Variants in DCUN1D1 observed in about 807,000 individuals in gnomAD.
The protein encoded by DCUN1D1 is defective in cullin neddylation 1 domain containing 1, also known as DCN1-like protein 1.
A neutral mutation model predicts 39.0 loss-of-function variants in DCUN1D1; 3 were observed. The ratio of observed to expected loss-of-function variants is 0.08; its 90% CI spans 0.04 to 0.20. DCUN1D1 has a LOEUF of 0.20. DCUN1D1 is among the 10% of genes least tolerant of loss of function. The pLI is 1.00. For missense variants in DCUN1D1, 158 were observed against 302.4 expected (o/e 0.52, Z 3.54); for synonymous variants, 82 against 96.3 (o/e 0.85, Z 0.87).
At chr3:182,952,443 C>T (rs181396504) in intron 4 of DCUN1D1, among the ~76,000 whole-genome samples, 97 of 152,288 alleles carry the variant, frequency 6.4e-4, no homozygotes, top group African/African-American at 2.3e-3. Context: ...AAACCTATCT[C>T]TATATTCTAG....
intron 4 of DCUN1D1, among the ~76,000 whole-genome samples, chr3:182,954,545 CT>C (rs1174289522): frequency 6.6e-6 from 1 of 152,050 alleles, no homozygotes; most frequent in Non-Finnish European, 1.5e-5. Flanking sequence ...AATGCATGAA[CT>C]TTTCTTTATA....
At chr3:182,951,990 A>G (rs946327927) in intron 4 of DCUN1D1, among the ~76,000 whole-genome samples, 3 of 152,024 alleles carry the variant, frequency 2.0e-5, no homozygotes, top group Non-Finnish European at 4.4e-5. Flanking sequence ...GCCACCACGC[A>G]CGTCCAAAAG....
intron 2 of DCUN1D1, among the ~76,000 whole-genome samples, 192 bp downstream of exon 2, chr3:182,965,345 G>A (rs1727617275): frequency 6.6e-6 from 1 of 152,124 alleles, no homozygotes; most frequent in African/African-American, 2.4e-5. Context: ...GGAAAATAAA[G>A]AGGCCAAGAA....
At chr3:182,949,251 T>C (rs1023669917) in intron 4 of DCUN1D1, among the ~76,000 whole-genome samples, 27 of 151,916 alleles carry the variant, frequency 1.8e-4, no homozygotes, top group Admixed American at 6.6e-5. Context: ...TAATCCCAAC[T>C]ACTTGGGAGG....
At chr3:182,954,435 T>A (rs1400832600) in intron 4 of DCUN1D1, among the ~76,000 whole-genome samples, 4 of 152,184 alleles carry the variant, frequency 2.6e-5, no homozygotes, top group Non-Finnish European at 4.4e-5. Context: ...TTATCAAAAT[T>A]CAGAATAATT....
chr3:182,973,807 C>CAA (rs56747322), intron 1 of DCUN1D1, among the ~76,000 whole-genome samples: 13 of 88,588 alleles, frequency 1.5e-4, no homozygotes, highest in African/African-American at 3.8e-4. Flanking sequence ...AACTCCGGCT[C>CAA]AAAAAAAAAA....
intron 4 of DCUN1D1, among the ~76,000 whole-genome samples, chr3:182,954,213 T>G (rs542959027): frequency 3.9e-5 from 6 of 152,328 alleles, no homozygotes; most frequent in South Asian, 4.1e-4. Context: ...ATCCATCTAC[T>G]GAGATATAAA....
At chr3:182,957,100 T>C (rs1471902059) in intron 4 of DCUN1D1, among the ~76,000 whole-genome samples, 1 of 152,122 alleles carries the variant, frequency 6.6e-6, no homozygotes, top group African/African-American at 2.4e-5. Flanking sequence ...GTAAGAGCAA[T>C]GATAGAAGTA....
intron 1 of DCUN1D1, among the ~76,000 whole-genome samples, chr3:182,970,908 A>G (rs1727903182): frequency 6.6e-6 from 1 of 152,204 alleles, no homozygotes; most frequent in Non-Finnish European, 1.5e-5. Context: ...TGCAGGAAAA[A>G]TCAATTCAGC....
intron 1 of DCUN1D1, among the ~76,000 whole-genome samples, chr3:182,977,915 C>T (rs1468479083): frequency 2.0e-5 from 3 of 151,728 alleles, no homozygotes; most frequent in Non-Finnish European, 2.9e-5. Context: ...TGGCGGGCAC[C>T]TATAATCCCA....
At position 182,946,553 on chromosome 3, in the gene DCUN1D1, T is replaced by C. The variant is rs1413816193; in HGVS notation, c.700+685A>G. On this transcript the variant is annotated intron_variant, in intron 6 of 6. Coordinates refer to ENST00000292782, the MANE Select transcript of DCUN1D1 (RefSeq NM_020640.4). ...GCCTGGGTGACAGAGCAAGACTCCA[T>C]CTCAAAAAAAAAAAAAAAAAAAAAA... is the stretch of plus-strand genomic sequence containing the variant. 8.0e-5 allele frequency among the ~76,000 whole-genome samples: 5 copies of C among 62,760 alleles called. No homozygotes were observed. In the East Asian group the frequency reaches 2.0e-3, roughly 25 times the overall value. 41.2% of individuals were successfully genotyped at this position (62,760 alleles called of 152,430 possible). A position where few individuals can be genotyped will look rare whatever the true frequency, so the allele number is the denominator to read the frequency against.
intron 4 of DCUN1D1, among the ~76,000 whole-genome samples, chr3:182,953,173 G>A (rs557777392): frequency 4.6e-5 from 7 of 152,134 alleles, no homozygotes; most frequent in Admixed American, 2.0e-4. Flanking sequence ...TACCCTTTTT[G>A]AAGGTACTGC....
At chr3:182,972,755 A>G (rs1453218399) in intron 1 of DCUN1D1, among the ~76,000 whole-genome samples, 2 of 152,034 alleles carry the variant, frequency 1.3e-5, no homozygotes, top group African/African-American at 4.8e-5. Context: ...CAACAAAAAA[A>G]AGAGGCTGGG....
intron 2 of DCUN1D1, among the ~76,000 whole-genome samples, 166 bp from the exon 3 acceptor site, chr3:182,964,215 CCTTA>C (rs1428527956): frequency 2.0e-5 from 3 of 152,172 alleles, no homozygotes; most frequent in East Asian, 1.9e-4. Context: ...AAGCCATTCT[CCTTA>C]CTAACAGCAT....
intron 4 of DCUN1D1, among the ~76,000 whole-genome samples, chr3:182,959,543 T>G (rs932900347): frequency 5.6e-5 from 8 of 141,778 alleles, no homozygotes; most frequent in African/African-American, 2.0e-4. Flanking sequence ...TTACCTTCAC[T>G]GGGTAAGTTA....
At chr3:182,959,501 C>CAAAAAAAAAAAAAAAAAAAAA (rs11373344) in intron 4 of DCUN1D1, among the ~76,000 whole-genome samples, 1 of 81,170 alleles carries the variant, frequency 1.2e-5, no homozygotes. Flanking sequence ...CTTCAAAAAC[C>CAAAAAAAAAAAAAAAAAAAAA]AAAAAAAAAA....
rs1318398997 is a variant in DCUN1D1, at chr3:182,942,257, A to C, written c.*2837T>G. 1.3e-5 allele frequency: 2 copies of C among 152,112 alleles called. No homozygotes were observed. Among genetic ancestry groups the C allele is most frequent in the African/African-American group, 4.8e-5 (2 of 41,434 alleles). The allele number at this position is 152,112 out of a possible 1,614,324, so 9.4% of individuals were successfully genotyped here. A position where few individuals can be genotyped will look rare whatever the true frequency, so the allele number is the denominator to read the frequency against. ...ACTTGGCATGTCTTTTCTCCCCAAA[A>C]CATGCCATTACAATGCTCTTTCCAT... On this transcript the variant is annotated 3_prime_UTR_variant, in exon 7 of 7. Coordinates refer to ENST00000292782, the MANE Select transcript of DCUN1D1 (RefSeq NM_020640.4).
At chr3:182,957,620 T>C (rs1053472659) in intron 4 of DCUN1D1, among the ~76,000 whole-genome samples, 1 of 151,996 alleles carries the variant, frequency 6.6e-6, no homozygotes, top group African/African-American at 2.4e-5. Context: ...AGCCAGATCC[T>C]GTATCTAAAA....
chr3:182,963,211 T>C (rs893744593), intron 3 of DCUN1D1, among the ~76,000 whole-genome samples: 3 of 152,216 alleles, frequency 2.0e-5, no homozygotes, highest in African/African-American at 7.2e-5. Flanking sequence ...AAAATGGGGA[T>C]AGAAAACTAT....
Sources: gnomAD v4.1 joint callset for allele counts (sites outside exome capture counted in the v4.1 genomes callset) on GRCh38, gnomAD v4.1.1 for gene constraint, MANE v1.5 for transcripts, NCBI Gene and HGNC (gene_info 2026-07-23, HGNC 2026-07-21) for gene names.